Variants in ROBO2 observed in about 807,000 individuals in gnomAD.
The protein encoded by ROBO2 is roundabout homolog 2.
ROBO2 carries 53 observed loss-of-function variants against 160.8 expected under a neutral mutation model. That is an observed-to-expected ratio of 0.33 (90% CI 0.26 to 0.41). The LOEUF (loss-of-function observed/expected upper bound fraction) is 0.41. ROBO2 is among the 10% of genes least tolerant of loss of function. The pLI, the probability that ROBO2 is intolerant of heterozygous loss-of-function variation, is 1.00. For synonymous variants in ROBO2, 664 were observed against 611.7 expected (o/e 1.09, Z -1.26); for missense variants, 1,577 against 1,722.4 (o/e 0.92, Z 1.49).
intron 2 of ROBO2, among the ~76,000 whole-genome samples, chr3:77,405,387 A>G (rs576493493): frequency 1.3e-5 from 2 of 152,112 alleles, no homozygotes; most frequent in Middle Eastern, 3.2e-3. Flanking sequence ...AACATTACAG[A>G]TGTATTTGAT....
intron 2 of ROBO2, among the ~76,000 whole-genome samples, chr3:77,136,857 G>C (rs1184448038): frequency 6.6e-6 from 1 of 151,960 alleles, no homozygotes; most frequent in African/African-American, 2.4e-5. Context: ...GGATGGTCTC[G>C]ATCTCCTGAC....
intron 2 of ROBO2, among the ~76,000 whole-genome samples, chr3:76,135,730 C>T (rs2071404183): frequency 6.6e-6 from 1 of 152,134 alleles, no homozygotes; most frequent in Admixed American, 6.5e-5. Flanking sequence ...ACTCAGGTCT[C>T]ATGACTTCAA....
In ROBO2 at chr3:77,040,244, T is replaced by C. The variant is rs3923745; in HGVS notation, c.-542T>C. On this transcript the variant is annotated 5_prime_UTR_variant, in exon 1 of 26. Transcript: ENST00000461745. Reference sequence around the variant, plus strand: ...CCTGCAAAGTGTTGCTTTGACACATTCTTATTATGGAAGTTAAGTAAAAAT... The same window carrying C: ...CCTGCAAAGTGTTGCTTTGACACATCCTTATTATGGAAGTTAAGTAAAAAT... The C allele has an allele frequency of 0.37, 364,401 of 987,786 alleles. 70,708 individuals are homozygous for C. Among genetic ancestry groups the C allele is most frequent in the African/African-American group, 0.68 (39,173 of 57,258 alleles). The allele number at this position is 987,786 out of a possible 1,614,324, so 61.2% of individuals were successfully genotyped here.
At chr3:77,502,638 G>C (rs1185863447) in intron 5 of ROBO2, among the ~76,000 whole-genome samples, 1 of 152,120 alleles carries the variant, frequency 6.6e-6, no homozygotes, top group African/African-American at 2.4e-5. Context: ...TGCCACATCT[G>C]TGGATTTAAC....
chr3:76,748,161 G>A (rs1454084865), intron 2 of ROBO2, among the ~76,000 whole-genome samples: 1 of 151,842 alleles, frequency 6.6e-6, no homozygotes, highest in Non-Finnish European at 1.5e-5. Flanking sequence ...ATCGAATGTG[G>A]CAGCATTTTT....
chr3:76,642,698 T>G (rs2109735169), intron 2 of ROBO2, among the ~76,000 whole-genome samples: 1 of 152,174 alleles, frequency 6.6e-6, no homozygotes, highest in Middle Eastern at 3.4e-3. Context: ...ACTACAACAT[T>G]ACATAAAACA....
chr3:77,171,233 G>A (rs2079603926), intron 2 of ROBO2, among the ~76,000 whole-genome samples: 1 of 152,192 alleles, frequency 6.6e-6, no homozygotes, highest in South Asian at 2.1e-4. Context: ...AACAACAAGA[G>A]AGGAAAGCAC....
At chr3:76,801,300 G>A (rs546681486) in intron 2 of ROBO2, among the ~76,000 whole-genome samples, 2 of 152,260 alleles carry the variant, frequency 1.3e-5, no homozygotes, top group South Asian at 4.1e-4. Flanking sequence ...AAGATGGTCA[G>A]TGGATAAAAA....
At chr3:76,771,921 A>T (rs1034030565) in intron 2 of ROBO2, among the ~76,000 whole-genome samples, 28 of 151,442 alleles carry the variant, frequency 1.8e-4, no homozygotes, top group African/African-American at 6.5e-4. Context: ...TTTCTCAAAA[A>T]ATTGTAATTC....
chr3:77,217,066 C>G (rs1024881499), intron 2 of ROBO2, among the ~76,000 whole-genome samples: 1 of 152,104 alleles, frequency 6.6e-6, no homozygotes, highest in African/African-American at 2.4e-5. Context: ...GACACCCATA[C>G]ATGCAAGGCC....
chr3:77,225,310 A>AT (rs567191783), intron 2 of ROBO2, among the ~76,000 whole-genome samples: 4 of 151,954 alleles, frequency 2.6e-5, no homozygotes, highest in Non-Finnish European at 5.9e-5. Flanking sequence ...GCAAAAATGG[A>AT]TTTTTTTCAA....
chr3:76,049,364 C>A (rs1357342527), intron 2 of ROBO2, among the ~76,000 whole-genome samples: 1 of 136,756 alleles, frequency 7.3e-6, no homozygotes, highest in South Asian at 2.3e-4. Flanking sequence ...GCACATGCCA[C>A]CACCCCTGGC....
intron 2 of ROBO2, among the ~76,000 whole-genome samples, chr3:76,891,184 T>C (rs2074319148): frequency 6.6e-6 from 1 of 152,176 alleles, no homozygotes; most frequent in African/African-American, 2.4e-5. Context: ...TTCTGTATTT[T>C]TCTTACCAGT....
chr3:77,038,845 GCTT>G (rs1329419553), upstream of ROBO2, among the ~76,000 whole-genome samples: 2 of 152,178 alleles, frequency 1.3e-5, no homozygotes, highest in Non-Finnish European at 2.9e-5. Context: ...CTGAAATTCG[GCTT>G]CTTTTTGAGC....
At chr3:76,448,150 A>T (rs368869351) in intron 2 of ROBO2, among the ~76,000 whole-genome samples, 1 of 152,122 alleles carries the variant, frequency 6.6e-6, no homozygotes, top group Non-Finnish European at 1.5e-5. Flanking sequence ...ATAATTTTCC[A>T]AGCTGAAAAG....
At chr3:77,248,590 G>A (rs537226764) in intron 2 of ROBO2, among the ~76,000 whole-genome samples, 80 of 152,268 alleles carry the variant, frequency 5.3e-4, no homozygotes, top group Admixed American at 1.2e-3. Flanking sequence ...GCACCCAAAG[G>A]TGCTCACCCC....
At chr3:77,415,290 T>C (rs2077123326) in intron 2 of ROBO2, among the ~76,000 whole-genome samples, 1 of 152,098 alleles carries the variant, frequency 6.6e-6, no homozygotes, top group African/African-American at 2.4e-5. Flanking sequence ...ACAGGTAGAT[T>C]AGGGTCATAT....
chr3:76,011,161 T>C, intron 2 of ROBO2, among the ~76,000 whole-genome samples: 1 of 152,192 alleles, frequency 6.6e-6, no homozygotes, highest in Non-Finnish European at 1.5e-5. Flanking sequence ...TATCTAATTG[T>C]ATGCTATCAT....
chr3:77,394,154 G>A (rs2075030224), intron 2 of ROBO2, among the ~76,000 whole-genome samples: 1 of 152,112 alleles, frequency 6.6e-6, no homozygotes, highest in African/African-American at 2.4e-5. Context: ...CTTTAAGAAG[G>A]GCCAGTGGAA....
Sources: gnomAD v4.1 joint callset for allele counts (sites outside exome capture counted in the v4.1 genomes callset) on GRCh38, gnomAD v4.1.1 for gene constraint, MANE v1.5 for transcripts, NCBI Gene and HGNC (gene_info 2026-07-23, HGNC 2026-07-21) for gene names.